The following CREB5 variants were observed in gnomAD, a reference collection of about 807,000 sequenced individuals.
CREB5 encodes cyclic AMP-responsive element-binding protein 5.
A neutral mutation model predicts 57.1 loss-of-function variants in CREB5; 19 were observed. That is an observed-to-expected ratio of 0.33 (90% CI 0.23 to 0.49). CREB5 has a LOEUF of 0.49. Among genes scored for constraint, CREB5 ranks in the 20% least tolerant of loss-of-function variants. CREB5 has a pLI of 0.99. For synonymous variants in CREB5, 238 were observed against 238.3 expected (o/e 1.00, Z 0.01); for missense variants, 579 against 671.6 (o/e 0.86, Z 1.52).
At chr7:28,424,749 T>C (rs174022) in intron 1 of CREB5, among the ~76,000 whole-genome samples, 142,825 of 152,292 alleles carry the variant, frequency 0.94, 67,041 homozygotes, top group East Asian at 0.99. Context: ...TGTGCTAACA[T>C]TTACTGACAA....
intron 4 of CREB5, among the ~76,000 whole-genome samples, chr7:28,527,958 C>T (rs1300681543): frequency 6.6e-6 from 1 of 152,202 alleles, no homozygotes; most frequent in East Asian, 1.9e-4. Flanking sequence ...CGTGGCCTTA[C>T]CAAGTCATTT....
chr7:28,331,819 A>T (rs531483420), intron 1 of CREB5, among the ~76,000 whole-genome samples: 90 of 148,678 alleles, frequency 6.1e-4, no homozygotes, highest in African/African-American at 2.2e-3. Context: ...ATTGCACTCC[A>T]GCCTGGGTGA....
chr7:28,736,747 C>T (rs57070001), intron 7 of CREB5, among the ~76,000 whole-genome samples: 20,065 of 151,584 alleles, frequency 0.13, 1,559 homozygotes, highest in Admixed American at 0.18. Context: ...GAGGTGTGGA[C>T]GCATGGAAGC....
intron 4 of CREB5, among the ~76,000 whole-genome samples, chr7:28,525,248 C>A (rs1382617175): frequency 6.6e-6 from 1 of 152,102 alleles, no homozygotes; most frequent in Non-Finnish European, 1.5e-5. Flanking sequence ...TTGATTGATT[C>A]CATATCTTGG....
chr7:28,356,851 G>C (rs1786355859), intron 1 of CREB5, among the ~76,000 whole-genome samples: 1 of 152,172 alleles, frequency 6.6e-6, no homozygotes, highest in African/African-American at 2.4e-5. Flanking sequence ...CCGGAGCTAA[G>C]TCACACGGCC....
intron 1 of CREB5, among the ~76,000 whole-genome samples, chr7:28,446,440 T>C (rs930720671): frequency 1.3e-5 from 2 of 152,362 alleles, no homozygotes; most frequent in East Asian, 3.9e-4. Context: ...TGGTGGTTTC[T>C]GTCCTGGCTC....
chr7:28,663,342 C>T (rs1446902989), intron 5 of CREB5, among the ~76,000 whole-genome samples: 1 of 151,874 alleles, frequency 6.6e-6, no homozygotes, highest in East Asian at 2.0e-4. Context: ...GTAGCTGGGA[C>T]TACAGGTGTG....
intron 7 of CREB5, among the ~76,000 whole-genome samples, chr7:28,749,722 A>T (rs1208018183): frequency 2.6e-5 from 4 of 152,152 alleles, no homozygotes; most frequent in Non-Finnish European, 4.4e-5. Context: ...GAGTCAGCTG[A>T]TTTTTTTCAA....
At chr7:28,323,619 A>G (rs1037312817) in intron 1 of CREB5, among the ~76,000 whole-genome samples, 1 of 151,778 alleles carries the variant, frequency 6.6e-6, no homozygotes, top group African/African-American at 2.4e-5. Flanking sequence ...TGTATCTCCA[A>G]CATCCCTACT....
At chr7:28,534,537 C>T (rs994500531) in intron 4 of CREB5, among the ~76,000 whole-genome samples, 1 of 152,204 alleles carries the variant, frequency 6.6e-6, no homozygotes, top group Admixed American at 6.5e-5. Context: ...ATGACAATTC[C>T]AGCCAGCATC....
intron 7 of CREB5, among the ~76,000 whole-genome samples, chr7:28,801,755 A>G (rs951783981): frequency 3.9e-5 from 6 of 152,196 alleles, no homozygotes; most frequent in African/African-American, 1.4e-4. Context: ...TCATTGCTTA[A>G]AATTGGAGAT....
At chr7:28,517,422 C>T (rs1262758094) in intron 4 of CREB5, among the ~76,000 whole-genome samples, 1 of 152,178 alleles carries the variant, frequency 6.6e-6, no homozygotes, top group Non-Finnish European at 1.5e-5. Flanking sequence ...ATCTGCATTT[C>T]CAGCACGTTG....
intron 1 of CREB5, among the ~76,000 whole-genome samples, chr7:28,397,909 G>T (rs114883468): frequency 0.015 from 2,315 of 152,126 alleles, 64 homozygotes; most frequent in African/African-American, 0.053. Context: ...GTAGAACCGG[G>T]ATTCTTTTTT....
chr7:28,360,642 A>G lies in CREB5; in HGVS notation c.-25+61201A>G, dbSNP rs551918334. 1.1e-4 allele frequency among the ~76,000 whole-genome samples: 17 copies of G among 152,332 alleles called. No individual in the cohort carries two copies. The South Asian group carries it at 3.5e-3, about 32-fold the overall frequency. On this transcript the variant is annotated intron_variant, in intron 1 of 9. Transcript: ENST00000396299. ...TGGAGGAATAAATGGAATTTGAGGTAATAGATAAGCTAATTAACTTGATCC... is the reference window on the plus strand; with the variant it reads ...TGGAGGAATAAATGGAATTTGAGGTGATAGATAAGCTAATTAACTTGATCC...
Position 28,748,506 on chromosome 7 carries a change from G to A in CREB5, c.702+24174G>A, listed in dbSNP as rs151178422. On this transcript the variant is annotated intron_variant, in intron 7 of 10. Transcript: ENST00000357727. ...AGAATGTGTCCAAGCCAAGGACGAC[G>A]AATTACTAGAGCTCAGTGGTATGAA... Among the ~76,000 whole-genome samples, 1,360 of 152,290 alleles carry A rather than the reference G, an allele frequency of 8.9e-3. 5 individuals are homozygous for A. Among genetic ancestry groups the A allele is most frequent in the South Asian group, 0.03 (145 of 4,824 alleles).
intron 1 of CREB5, among the ~76,000 whole-genome samples, chr7:28,392,954 C>T (rs892534346): frequency 1.3e-5 from 2 of 150,438 alleles, no homozygotes; most frequent in South Asian, 2.1e-4. Context: ...GACAGAGTTT[C>T]GCTCTTGTTG....
chr7:28,723,237 A>G (rs573635308), intron 6 of CREB5, among the ~76,000 whole-genome samples: 3 of 152,380 alleles, frequency 2.0e-5, no homozygotes, highest in Non-Finnish European at 2.9e-5. Context: ...TGATTTTAGT[A>G]TTAAGTGTAC....
intron 4 of CREB5, among the ~76,000 whole-genome samples, chr7:28,547,668 G>C (rs993122093): frequency 6.6e-6 from 1 of 152,188 alleles, no homozygotes; most frequent in African/African-American, 2.4e-5. Context: ...CCATAGCCTA[G>C]CTAAGTTGGC....
intron 1 of CREB5, among the ~76,000 whole-genome samples, chr7:28,415,021 T>C (rs73295183): frequency 0.1 from 15,266 of 152,138 alleles, 2,033 homozygotes; most frequent in African/African-American, 0.3. Context: ...GAGAAATAGA[T>C]CAGAATCAGT....
Sources: gnomAD v4.1 joint callset for allele counts (sites outside exome capture counted in the v4.1 genomes callset) on GRCh38, gnomAD v4.1.1 for gene constraint, MANE v1.5 for transcripts, NCBI Gene and HGNC (gene_info 2026-07-23, HGNC 2026-07-21) for gene names.